The following NSD1 variants were observed in gnomAD, a reference collection of about 807,000 sequenced individuals.
NSD1 encodes histone-lysine N-methyltransferase, H3 lysine-36 specific.
In NSD1, 26 loss-of-function variants were observed where a neutral mutation model predicts 242.7. That is an observed-to-expected ratio of 0.11 (90% CI 0.08 to 0.15). The LOEUF (loss-of-function observed/expected upper bound fraction) is 0.15, where lower values mean the gene tolerates loss of function less well. NSD1 is among the 10% of genes least tolerant of loss of function. The pLI is 1.00. For synonymous variants in NSD1, 1,106 were observed against 1,178.1 expected, an observed-to-expected ratio of 0.94 and a Z score of 1.25; for missense variants, 2,495 against 3,272.8, an observed-to-expected ratio of 0.76 and a Z score of 5.80.
rs201357386 is a variant in NSD1, at chr5:177,273,694, G to A, written c.5532G>A (p.Arg1844=). 2.4e-5 allele frequency: 38 copies of A among 1,613,492 alleles called. No homozygotes were observed. The highest frequency in any genetic ancestry group is 3.3e-5 in the Admixed American group (2 of 59,964). The change falls in exon 17 of 23, where the codon AGG becomes AGA. Residue 1844 remains arginine, a synonymous_variant. Coordinates refer to ENST00000439151, the MANE Select transcript of NSD1 (RefSeq NM_022455.5). ...YKKALQEAAA[R]FEELKAQKEL... is the part of the protein sequence containing the mutation. ...TAGCTCTTCAGGAAGCTGCAGCAAG[G>A]TTTGAGGAATTAAAGGCCCAAAAAG...
chr5:177,293,406 T>C (rs1760002287), intron 22 of NSD1, among the ~76,000 whole-genome samples: 1 of 152,188 alleles, frequency 6.6e-6, no homozygotes, highest in Admixed American at 6.6e-5. Context: ...AGCAGGAATC[T>C]AAATCACCAG....
At chr5:177,184,140 A>C (rs370990632) in intron 2 of NSD1, among the ~76,000 whole-genome samples, 1 of 152,194 alleles carries the variant, frequency 6.6e-6, no homozygotes, top group Non-Finnish European at 1.5e-5. Flanking sequence ...CCTTTTCTGT[A>C]TATAGCTAGT....
rs887505976 is a variant in NSD1, at chr5:177,280,314, G to A, written c.5623-251G>A. Among the ~76,000 whole-genome samples, 3 of 151,806 alleles carry A rather than the reference G, an allele frequency of 2.0e-5. No homozygotes were observed. In the South Asian group the frequency reaches 6.2e-4, roughly 32 times the overall value. ...TTTTGAGATGGAATCTCAACATATC[G>A]GCCAGGCTGGAGTGCAGTGGTGAAA... On this transcript the variant is annotated intron_variant, in intron 17 of 22. Coordinates refer to ENST00000439151, the MANE Select transcript of NSD1 (RefSeq NM_022455.5).
intron 13 of NSD1, 104 bp from the exon 14 acceptor site, chr5:177,259,885 G>T: frequency 7.9e-7 from 1 of 1,272,164 alleles, no homozygotes. Flanking sequence ...CCTTCTATTT[G>T]TGACATTTTT....
chr5:177,267,064 GC>G (rs941196438), intron 14 of NSD1, among the ~76,000 whole-genome samples: 2 of 152,134 alleles, frequency 1.3e-5, no homozygotes, highest in African/African-American at 4.8e-5. Context: ...CGCCCTGTTG[GC>G]CGGGCTGTTC....
chr5:177,164,934 ACT>A (rs1450466956), intron 2 of NSD1, among the ~76,000 whole-genome samples: 1 of 151,006 alleles, frequency 6.6e-6, no homozygotes, highest in Non-Finnish European at 1.5e-5. Context: ...GAAGAGCGAA[ACT>A]CTGTCTCATT....
intron 2 of NSD1, among the ~76,000 whole-genome samples, chr5:177,137,650 T>G (rs1756450458): frequency 6.6e-6 from 1 of 152,132 alleles, no homozygotes; most frequent in South Asian, 2.1e-4. Context: ...GAAATTTATT[T>G]TATATATATA....
At chr5:177,244,357 A>C in intron 9 of NSD1, 87 bp downstream of exon 9, 1 of 947,858 alleles carries the variant, frequency 1.1e-6, no homozygotes, top group Non-Finnish European at 1.7e-6. Context: ...TTACATGTGT[A>C]AGCCCGACCA....
At chr5:177,166,341 A>G (rs1173139394) in intron 2 of NSD1, among the ~76,000 whole-genome samples, 1 of 152,022 alleles carries the variant, frequency 6.6e-6, no homozygotes, top group East Asian at 1.9e-4. Context: ...TGAGCTCAGG[A>G]GTTCAAGAAC....
chr5:177,253,146 G>T (rs1341126059), intron 12 of NSD1, among the ~76,000 whole-genome samples: 1 of 152,088 alleles, frequency 6.6e-6, no homozygotes, highest in Non-Finnish European at 1.5e-5. Flanking sequence ...TTCAATTTTT[G>T]CCAGAGGATG....
At chr5:177,219,504 A>G (rs1447528759) in intron 5 of NSD1, among the ~76,000 whole-genome samples, 2 of 152,038 alleles carry the variant, frequency 1.3e-5, no homozygotes, top group Non-Finnish European at 2.9e-5. Context: ...GATATTTTCA[A>G]ATTTCCCTTG....
At chr5:177,249,778 C>T (rs1225357637) in intron 11 of NSD1, among the ~76,000 whole-genome samples, 3 of 152,228 alleles carry the variant, frequency 2.0e-5, no homozygotes, top group African/African-American at 7.2e-5. Context: ...TGAGCCACCA[C>T]GCCCGGCCAG....
chr5:177,159,674 C>T (rs1487616232), intron 2 of NSD1, among the ~76,000 whole-genome samples: 1 of 151,212 alleles, frequency 6.6e-6, no homozygotes, highest in African/African-American at 2.4e-5. Context: ...TGGCTAACCG[C>T]AACCTCCGCC....
chr5:177,223,173 C>G (rs1250968723), intron 5 of NSD1, among the ~76,000 whole-genome samples: 2 of 151,566 alleles, frequency 1.3e-5, no homozygotes, highest in Non-Finnish European at 2.9e-5. Flanking sequence ...CGTCTGCCTC[C>G]TGGGTTCAAG....
chr5:177,260,275 G>T, intron 14 of NSD1, 107 bp downstream of exon 14: 2 of 924,116 alleles, frequency 2.2e-6, no homozygotes, highest in Non-Finnish European at 3.3e-6. Context: ...AAAAATATTA[G>T]AAATGATACT....
Position 177,235,946 on chromosome 5 carries a change from G to A in NSD1, c.3921+1G>A, listed in dbSNP as rs1765404777. 2 of 1,613,598 alleles carry A rather than the reference G, an allele frequency of 1.2e-6. No individual in the cohort carries two copies. The highest frequency in any genetic ancestry group is 1.3e-5 in the African/African-American group (1 of 74,884). ...GAAGGTACAGGAGCAGGTGCACAAGGTATGTTGCAAAATTTCAGCAAACTT... is the reference window on the plus strand; with the variant it reads ...GAAGGTACAGGAGCAGGTGCACAAGATATGTTGCAAAATTTCAGCAAACTT... On this transcript the variant is annotated splice_donor_variant, in intron 6 of 22. Coordinates refer to ENST00000439151, the MANE Select transcript of NSD1 (RefSeq NM_022455.5). LOFTEE classifies it high-confidence loss of function.
At position 177,193,377 on chromosome 5, in the gene NSD1, C is replaced by T. The variant is rs574340761; in HGVS notation, c.1063+1358C>T. On this transcript the variant is annotated intron_variant, in intron 3 of 22. Transcript: ENST00000439151. ...CAGGATGGTCTTGATCTCTTGACCTCGTGATCTGCCTGCCTCGGCCTTACA... is the reference window on the plus strand; with the variant it reads ...CAGGATGGTCTTGATCTCTTGACCTTGTGATCTGCCTGCCTCGGCCTTACA... 5.9e-5 allele frequency among the ~76,000 whole-genome samples: 9 copies of T among 152,100 alleles called. No homozygotes were observed. The South Asian group carries it at 1.7e-3, about 28-fold the overall frequency.
chr5:177,279,963 ATTTTATTTTATTT>A (rs1758731531), intron 17 of NSD1, among the ~76,000 whole-genome samples: 1 of 60,038 alleles, frequency 1.7e-5, no homozygotes, highest in Non-Finnish European at 4.6e-5. Context: ...TAAAGTTCAT[ATTTTATTTTATTT>A]TATTTTATTT....
Position 177,210,159 on chromosome 5 carries a change from G to A in NSD1, c.1760G>A (p.Gly587Asp), listed in dbSNP as rs1187706413. The A allele has an allele frequency of 6.2e-7, 1 of 1,611,676 alleles. No individual in the cohort carries two copies. ...AAGAAAGAATTTGAGACTTCAAATG[G>A]TGACTCTTTATTGGGCTTGCCTGAG... The part of the protein sequence containing the change: ...TAKKEFETSN[G>D]DSLLGLPEGA... Residue 587 changes from glycine to aspartate, a missense_variant, in exon 5 of 23, where the codon GGT (glycine) becomes GAT (aspartate). Gly to Asp is a moderately conservative substitution (Grantham distance 94). Coordinates refer to ENST00000439151, the MANE Select transcript of NSD1 (RefSeq NM_022455.5).
Sources: allele counts gnomAD v4.1 joint callset (sites outside exome capture counted in the v4.1 genomes callset), GRCh38; gene constraint gnomAD v4.1.1; transcripts MANE v1.5; gene names NCBI Gene and HGNC (gene_info 2026-07-23, HGNC 2026-07-21).